Variants in TFCP2 observed in about 807,000 individuals in gnomAD.
TFCP2 encodes transcription factor CP2.
Under a neutral mutation model 73.4 loss-of-function variants are expected in TFCP2, and 33 were observed. The ratio of observed to expected loss-of-function variants is 0.45; its 90% CI spans 0.34 to 0.60. TFCP2 has a LOEUF of 0.60. Ranked by LOEUF, TFCP2 falls within the 20% of genes least tolerant of loss-of-function variation. The pLI is 0.01. For missense variants in TFCP2, 352 were observed against 604.0 expected (o/e 0.58, Z 4.37); for synonymous variants, 193 against 211.6 (o/e 0.91, Z 0.76).
intron 1 of TFCP2, among the ~76,000 whole-genome samples, chr12:51,122,253 C>CTTTTTTTTTTTTTTTTTTTT (rs11347975): frequency 6.8e-5 from 5 of 73,180 alleles, no homozygotes; most frequent in South Asian, 4.6e-4. Context: ...TTTTTCTTTT[C>CTTTTTTTTTTTTTTTTTTTT]TTTTTTTTTT....
rs1940164837 is a variant in TFCP2, at chr12:51,103,753, G to A, written c.977C>T (p.Pro326Leu). ...PPPPVTDNLLPTTTPQEAQQW... is the reference protein window; with the variant it reads ...PPPPVTDNLLLTTTPQEAQQW... ...CTGAGCTTCCTGAGGTGTGGTTGTT[G>A]GTAAGAGGTTCTGAAAGGGAGAGCA... The change falls in exon 10 of 15, where the codon CCA becomes CTA. Residue 326 changes from proline to leucine, a missense_variant. Transcript: ENST00000257915. The A allele has an allele frequency of 8.1e-6, 13 of 1,613,200 alleles. No homozygotes were observed. Among genetic ancestry groups the A allele is most frequent in the Non-Finnish European group, 1.0e-5 (12 of 1,179,686 alleles).
intron 13 of TFCP2, among the ~76,000 whole-genome samples, chr12:51,097,022 G>GC (rs1429181838): frequency 3.3e-5 from 5 of 150,116 alleles, no homozygotes; most frequent in Non-Finnish European, 7.4e-5. Context: ...GGAGCGCAAT[G>GC]CCCCCATCTC....
chr12:51,128,757 T>C (rs918995732), intron 1 of TFCP2, among the ~76,000 whole-genome samples: 4 of 152,210 alleles, frequency 2.6e-5, no homozygotes, highest in Non-Finnish European at 5.9e-5. Context: ...CTCAGTAGTA[T>C]GCAACAGGGG....
chr12:51,123,994 A>G (rs1273156160), intron 1 of TFCP2, among the ~76,000 whole-genome samples: 1 of 152,246 alleles, frequency 6.6e-6, no homozygotes, highest in East Asian at 1.9e-4. Flanking sequence ...CAAACAGGAC[A>G]GTTTAAATCT....
At chr12:51,150,186 G>A (rs1941390926) in intron 1 of TFCP2, among the ~76,000 whole-genome samples, 1 of 152,128 alleles carries the variant, frequency 6.6e-6, no homozygotes, top group South Asian at 2.1e-4. Context: ...GAGAGGCCAA[G>A]GCAGGCGGAT....
At chr12:51,127,164 A>T (rs1451545322) in intron 1 of TFCP2, among the ~76,000 whole-genome samples, 1 of 152,222 alleles carries the variant, frequency 6.6e-6, no homozygotes, top group African/African-American at 2.4e-5. Flanking sequence ...TGGATGCCTC[A>T]AAAGAAAACA....
chr12:51,095,424 G>T, intron 14 of TFCP2, 146 bp from the exon 15 acceptor site: 1 of 794,984 alleles, frequency 1.3e-6, no homozygotes, highest in Non-Finnish European at 2.1e-6. Flanking sequence ...CTGGACTCCA[G>T]CTTGGGCAAC....
intron 1 of TFCP2, among the ~76,000 whole-genome samples, chr12:51,134,450 AT>A (rs1359726230): frequency 6.6e-6 from 1 of 151,452 alleles, no homozygotes; most frequent in Non-Finnish European, 1.5e-5. Flanking sequence ...ATGCCCACCT[AT>A]TTTTTTGTAT....
In TFCP2 at chr12:51,098,866, T is replaced by C; in HGVS notation, c.1329A>G (p.Lys443=). The stretch of plus-strand genomic sequence containing the variant: ...GGGAAATGCTGAAAAGCTGAGCAAT[T>C]TTTTCTGTCAATTCAACAGCTGTTA... ...EELTAVELTE[K]IAQLFSISPC... is the part of the protein sequence containing the mutation. Residue 443 remains lysine (K), a synonymous_variant, in exon 13 of 15, where the codon AAA becomes AAG. Transcript: ENST00000257915. 1 of 1,614,134 alleles carries C rather than the reference T, an allele frequency of 6.2e-7. No individual in the cohort carries two copies. The highest frequency in any genetic ancestry group is 8.5e-7 in the Non-Finnish European group (1 of 1,180,030).
chr12:51,142,258 T>C (rs1340637919), intron 1 of TFCP2, among the ~76,000 whole-genome samples: 2 of 128,056 alleles, frequency 1.6e-5, no homozygotes, highest in African/African-American at 6.0e-5. Flanking sequence ...TTGGCAAACA[T>C]GATTGGGATA....
At chr12:51,148,473 G>A (rs995703684) in intron 1 of TFCP2, among the ~76,000 whole-genome samples, 6 of 151,764 alleles carry the variant, frequency 4.0e-5, no homozygotes, top group African/African-American at 9.7e-5. Flanking sequence ...GAGGCGAGGC[G>A]GGCGGATCAC....
At chr12:51,107,384 C>T (rs1427888411) in intron 6 of TFCP2, 38 bp from the exon 7 acceptor site, 1 of 1,544,920 alleles carries the variant, frequency 6.5e-7, no homozygotes, top group Non-Finnish European at 8.9e-7. Flanking sequence ...TTCAGGTACT[C>T]ACCTTTTAAC....
At chr12:51,133,366 G>C (rs1362240406) in intron 1 of TFCP2, among the ~76,000 whole-genome samples, 4 of 151,444 alleles carry the variant, frequency 2.6e-5, no homozygotes, top group Non-Finnish European at 4.4e-5. Flanking sequence ...GTACAGTGGC[G>C]TAATCACCAC....
intron 1 of TFCP2, among the ~76,000 whole-genome samples, chr12:51,158,076 A>G (rs1216841737): frequency 6.6e-6 from 1 of 152,004 alleles, no homozygotes; most frequent in African/African-American, 2.4e-5. Flanking sequence ...ATCATAGCTC[A>G]CTGCAGCCTC....
At chr12:51,140,119 G>T (rs1229608345) in intron 1 of TFCP2, among the ~76,000 whole-genome samples, 1 of 152,100 alleles carries the variant, frequency 6.6e-6, no homozygotes, top group Non-Finnish European at 1.5e-5. Context: ...AAACATTCCT[G>T]AGGGGAAAAA....
rs181038668 is a variant in TFCP2, at chr12:51,128,551, T to G, written c.123-9779A>C. ...AAACCATAACCAAACTCCATTTTCCTTTTTTTATATGGTTAGGCCAGCAAA... is the reference window on the plus strand; with the variant it reads ...AAACCATAACCAAACTCCATTTTCCGTTTTTTATATGGTTAGGCCAGCAAA... On this transcript the variant is annotated intron_variant, in intron 1 of 14. Transcript: ENST00000257915. 2.0e-5 allele frequency among the ~76,000 whole-genome samples: 3 copies of G among 152,166 alleles called. No individual in the cohort carries two copies. The South Asian group carries it at 6.2e-4, about 32-fold the overall frequency.
chr12:51,168,093 T>A (rs113040943), intron 1 of TFCP2, among the ~76,000 whole-genome samples: 1 of 42,944 alleles, frequency 2.3e-5, no homozygotes, highest in African/African-American at 6.3e-5. Context: ...AAAATTAAAA[T>A]TAAAAAAAAA....
chr12:51,126,523 T>A (rs1001486124), intron 1 of TFCP2, among the ~76,000 whole-genome samples: 1 of 152,158 alleles, frequency 6.6e-6, no homozygotes, highest in Non-Finnish European at 1.5e-5. Context: ...GTGGTTTAGC[T>A]TTCTTCCTTC....
intron 10 of TFCP2, 39 bp from the exon 11 acceptor site, chr12:51,102,064 A>T (rs1940122743): frequency 7.2e-7 from 1 of 1,382,212 alleles, no homozygotes; most frequent in South Asian, 1.2e-5. Context: ...AAAGGCAAAG[A>T]TTCTCTTTGT....
Sources: allele counts gnomAD v4.1 joint callset (sites outside exome capture counted in the v4.1 genomes callset), GRCh38; gene constraint gnomAD v4.1.1; transcripts MANE v1.5; gene names NCBI Gene and HGNC (gene_info 2026-07-23, HGNC 2026-07-21).